The following SIN3B variants were observed in gnomAD, a reference collection of about 807,000 sequenced individuals.
SIN3B encodes the protein SIN3 transcription regulator family member B.
Under a neutral mutation model 120.2 loss-of-function variants are expected in SIN3B, and 19 were observed. The ratio of observed to expected loss-of-function variants is 0.16; its 90% CI spans 0.11 to 0.23. SIN3B has a LOEUF of 0.23. Ranked by LOEUF, SIN3B falls within the 10% of genes least tolerant of loss-of-function variation. SIN3B has a pLI of 1.00. For synonymous variants in SIN3B, 654 were observed against 653.2 expected, an observed-to-expected ratio of 1.00 and a Z score of -0.02; for missense variants, 1,073 against 1,573.0, an observed-to-expected ratio of 0.68 and a Z score of 5.38.
Position 16,863,810 on chromosome 19 carries a change from T to C in SIN3B, c.1383+14T>C, listed in dbSNP as rs535323114. 1.3e-6 allele frequency: 2 copies of C among 1,589,706 alleles called. No homozygotes were observed. Among genetic ancestry groups the C allele is most frequent in the Non-Finnish European group, 1.7e-6 (2 of 1,158,762 alleles). ...GAGCGCTTCGAGGTGTGTGTGCTGC[T>C]GTGGCCGGGTCCCCCGGCATGTGCC... On this transcript the variant is annotated intron_variant, in intron 10 of 18. Coordinates refer to ENST00000248054, the MANE Select transcript of SIN3B (RefSeq NM_001297595.2).
chr19:16,851,859 G>A (rs924667161), intron 6 of SIN3B, among the ~76,000 whole-genome samples: 1 of 152,208 alleles, frequency 6.6e-6, no homozygotes, highest in Non-Finnish European at 1.5e-5. Flanking sequence ...CGCCATGTAC[G>A]TTTGTTCAGG....
At chr19:16,847,249 G>A (rs1971490987) in intron 5 of SIN3B, 136 bp downstream of exon 5, 7 of 932,872 alleles carry the variant, frequency 7.5e-6, no homozygotes, top group African/African-American at 3.3e-5. Context: ...TACGCAGGTT[G>A]CAGATACCCA....
intron 17 of SIN3B, among the ~76,000 whole-genome samples, chr19:16,877,870 AG>A (rs1568429471): frequency 6.6e-6 from 1 of 152,288 alleles, no homozygotes; most frequent in East Asian, 1.9e-4. Context: ...ACGATGCGTC[AG>A]TGGGTGAAGA....
At chr19:16,847,806 A>G (rs1971498325) in intron 5 of SIN3B, among the ~76,000 whole-genome samples, 1 of 152,226 alleles carries the variant, frequency 6.6e-6, no homozygotes, top group Non-Finnish European at 1.5e-5. Flanking sequence ...ATTCCATGGC[A>G]TGTGGTACAT....
chr19:16,836,363 GCTT>G (rs1971349082), intron 3 of SIN3B, among the ~76,000 whole-genome samples: 1 of 152,160 alleles, frequency 6.6e-6, no homozygotes, highest in Non-Finnish European at 1.5e-5. Flanking sequence ...GGAAGGAACA[GCTT>G]CTTACTGGAG....
chr19:16,869,826 C>A lies in SIN3B; in HGVS notation c.2173C>A (p.Pro725Thr). 1 of 1,613,910 alleles carries A rather than the reference C, an allele frequency of 6.2e-7. No homozygotes were observed. The highest frequency in any genetic ancestry group is 8.5e-7 in the Non-Finnish European group (1 of 1,179,972). ...CGGGGATGCCCCGGCCACTGAGCAG[C>A]CACCCCTGCCGCCCCCAGCCCCGCA... Reference protein sequence around the residue: ...AFGDAPATEQPPLPPPAPHKP... With the variant: ...AFGDAPATEQTPLPPPAPHKP... The change falls in exon 13 of 19, where the codon CCA (proline) becomes ACA (threonine). Residue 725 changes from proline to threonine, a missense_variant. Around this residue, in one of 7 missense-constraint regions of SIN3B, gnomAD observed 169 missense variants for 207.3 expected, o/e 0.82. Coordinates refer to ENST00000248054, the MANE Select transcript of SIN3B (RefSeq NM_001297595.2).
At chr19:16,839,539 G>A (rs953624687) in intron 3 of SIN3B, among the ~76,000 whole-genome samples, 1 of 152,092 alleles carries the variant, frequency 6.6e-6, no homozygotes, top group Non-Finnish European at 1.5e-5. Context: ...GAATGGTGGG[G>A]GGCTCGCAGT....
At chr19:16,833,486 G>A (rs988423672) in intron 3 of SIN3B, among the ~76,000 whole-genome samples, 6 of 151,880 alleles carry the variant, frequency 4.0e-5, no homozygotes, top group African/African-American at 7.2e-5. Context: ...ACAAAAATCA[G>A]CCAGGCGCAG....
chr19:16,866,626 CCT>C, intron 12 of SIN3B, 70 bp downstream of exon 12: 1 of 1,455,758 alleles, frequency 6.9e-7, no homozygotes, highest in Admixed American at 1.9e-5. Context: ...CGGGTCTGTG[CCT>C]CTGTTTCCCT....
At chr19:16,853,497 G>T (rs1971571118) in intron 7 of SIN3B, among the ~76,000 whole-genome samples, 1 of 152,258 alleles carries the variant, frequency 6.6e-6, no homozygotes, top group South Asian at 2.1e-4. Context: ...AGCAGACAAG[G>T]TGGCCGTGTG....
intron 6 of SIN3B, 132 bp downstream of exon 6, chr19:16,851,666 C>T (rs768001358): frequency 2.4e-4 from 281 of 1,168,460 alleles, no homozygotes; most frequent in Non-Finnish European, 2.9e-4. Flanking sequence ...TGAGGTTCAC[C>T]GGCAGTGGGA....
chr19:16,847,224 G>T, intron 5 of SIN3B, 111 bp downstream of exon 5: 1 of 1,217,154 alleles, frequency 8.2e-7, no homozygotes, highest in South Asian at 1.5e-5. Flanking sequence ...GGCCACACTA[G>T]GGTCCCCCAG....
At chr19:16,829,720 C>T (rs952850518) in intron 1 of SIN3B, 71 bp from the exon 2 acceptor site, 178 of 1,445,652 alleles carry the variant, frequency 1.2e-4, no homozygotes, top group Non-Finnish European at 1.7e-4. Context: ...TCCCCTTCCC[C>T]TCAGGGACCC....
intron 4 of SIN3B, 67 bp downstream of exon 4, chr19:16,842,035 T>A: frequency 2.4e-6 from 3 of 1,257,004 alleles, no homozygotes; most frequent in Non-Finnish European, 3.4e-6. Context: ...CTGCAGATAT[T>A]CAGATTTTCT....
At chr19:16,877,394 C>T in intron 16 of SIN3B, 151 bp from the exon 17 acceptor site, 2 of 620,752 alleles carry the variant, frequency 3.2e-6, no homozygotes, top group East Asian at 2.7e-5. Context: ...GGGTCTCCGT[C>T]AGGGATCAGA....
chr19:16,878,223 G>T lies in SIN3B; in HGVS notation c.2995G>T (p.Ala999Ser), dbSNP rs749616440. ...KFRRRWQSEQ[A>S]RALRGEARSS... The stretch of plus-strand genomic sequence containing the variant: ...CCGCCGCCGGTGGCAGAGCGAGCAG[G>T]CGCGGGCCCTGCGCGGTGAGGCCAG... Residue 999 changes from alanine (A) to serine (S), a missense_variant, in exon 18 of 19, where the codon GCG (alanine) becomes TCG (serine). Ala to Ser is a moderately conservative substitution (Grantham distance 99). Around this residue, in one of 7 missense-constraint regions of SIN3B, gnomAD observed 311 missense variants for 400.3 expected, o/e 0.78. Transcript: ENST00000248054. 6.3e-7 allele frequency: 1 copy of T among 1,596,908 alleles called. No homozygotes were observed. The highest frequency in any genetic ancestry group is 1.7e-5 in the Admixed American group (1 of 57,974).
rs2051616543 is a variant in SIN3B, at chr19:16,876,972, T to G, written c.2859+394T>G. 2.0e-5 allele frequency: 4 copies of G among 203,282 alleles called. No homozygotes were observed. Among genetic ancestry groups the G allele is most frequent in the Admixed American group, 1.6e-4 (3 of 18,206 alleles). 12.6% of individuals were successfully genotyped at this position (203,282 alleles called of 1,614,324 possible). On this transcript the variant is annotated intron_variant, in intron 16 of 18. Coordinates refer to ENST00000248054, the MANE Select transcript of SIN3B (RefSeq NM_001297595.2). This position sits in a 1 kb window ranked among gnomAD's most constrained non-coding sequence, Gnocchi z 7.1. ...ACCTGGGCCCAGCTCCCAGTCACAA[T>G]TTTTGCGGGGACAGATGTTTCCTGC...
At chr19:16,851,598 G>A in intron 6 of SIN3B, 64 bp downstream of exon 6, 1 of 1,507,640 alleles carries the variant, frequency 6.6e-7, no homozygotes, top group Non-Finnish European at 8.9e-7. Context: ...GGCCTTCCCA[G>A]CATGTGACCA....
intron 8 of SIN3B, among the ~76,000 whole-genome samples, chr19:16,857,115 T>C (rs1971626176): frequency 6.6e-6 from 1 of 152,216 alleles, no homozygotes; most frequent in East Asian, 1.9e-4. Flanking sequence ...CATCCTGTTT[T>C]TAGTAGTGAT....
Sources: allele counts gnomAD v4.1 joint callset (sites outside exome capture counted in the v4.1 genomes callset), GRCh38; gene constraint gnomAD v4.1.1; regional missense constraint gnomAD v4.1.1; non-coding constraint Gnocchi (gnomAD v3.1); transcripts MANE v1.5; gene names NCBI Gene and HGNC (gene_info 2026-07-23, HGNC 2026-07-21).